OTUD7A: variants seen among roughly 807,000 people sequenced by gnomAD.
OTUD7A encodes the protein OTU domain-containing protein 7A.
In OTUD7A, 12 loss-of-function variants were observed where a neutral mutation model predicts 65.7. That is an observed-to-expected ratio of 0.18 (90% CI 0.12 to 0.30). The LOEUF is 0.30. OTUD7A is among the 10% of genes least tolerant of loss of function. The pLI is 1.00. For missense variants in OTUD7A, 1,148 were observed against 1,304.8 expected, an observed-to-expected ratio of 0.88 and a Z score of 1.85; for synonymous variants, 641 against 586.3, an observed-to-expected ratio of 1.09 and a Z score of -1.35.
intron 1 of OTUD7A, 125 bp downstream of exon 1, chr15:31,870,382 C>T (rs1172569410): frequency 6.8e-6 from 1 of 146,744 alleles, no homozygotes; most frequent in Admixed American, 6.8e-5. Context: ...CCTCAACGCC[C>T]ACCTGCCTCG....
intron 1 of OTUD7A, among the ~76,000 whole-genome samples, chr15:31,658,724 A>G (rs1440416788): frequency 6.6e-6 from 1 of 151,810 alleles, no homozygotes; most frequent in Non-Finnish European, 1.5e-5. Context: ...CTCAGGATCC[A>G]TTTTTCATTA....
chr15:31,626,528 G>C (rs1890957506), intron 3 of OTUD7A, among the ~76,000 whole-genome samples: 1 of 152,124 alleles, frequency 6.6e-6, no homozygotes, highest in Non-Finnish European at 1.5e-5. Flanking sequence ...GTAACTTGGA[G>C]GAGCTAGAAA....
chr15:31,686,586 G>A (rs1185519044), intron 1 of OTUD7A, among the ~76,000 whole-genome samples: 2 of 152,226 alleles, frequency 1.3e-5, no homozygotes, highest in East Asian at 3.8e-4. Context: ...CAGAGGACGA[G>A]GAGACAAGCA....
intron 3 of OTUD7A, among the ~76,000 whole-genome samples, chr15:31,573,612 C>T (rs1889117509): frequency 6.6e-6 from 1 of 152,164 alleles, no homozygotes; most frequent in East Asian, 1.9e-4. Flanking sequence ...TTACAGTTGA[C>T]AGATCAGGCC....
At chr15:31,673,187 A>T (rs7172322) in intron 1 of OTUD7A, among the ~76,000 whole-genome samples, 8,657 of 152,300 alleles carry the variant, frequency 0.057, 840 homozygotes, top group African/African-American at 0.2. Flanking sequence ...AAGCTCCTTG[A>T]CTTATGATGG....
chr15:31,811,133 C>T (rs1896403366), intron 1 of OTUD7A, among the ~76,000 whole-genome samples: 1 of 152,092 alleles, frequency 6.6e-6, no homozygotes, highest in Non-Finnish European at 1.5e-5. Flanking sequence ...CTGTCTCAGT[C>T]CCCACTTTCA....
chr15:31,530,655 C>T (rs892331194), intron 6 of OTUD7A, 52 bp downstream of exon 6: 38 of 1,515,018 alleles, frequency 2.5e-5, no homozygotes, highest in South Asian at 3.5e-5. Flanking sequence ...ATATGTCTTT[C>T]CTTACGCAGG....
chr15:31,851,770 T>G (rs774337432), intron 1 of OTUD7A, among the ~76,000 whole-genome samples: 4 of 152,198 alleles, frequency 2.6e-5, no homozygotes, highest in Non-Finnish European at 5.9e-5. Context: ...GACAATCCCA[T>G]GTGAACTCTA....
chr15:31,632,636 A>C (rs1364891999), intron 3 of OTUD7A, among the ~76,000 whole-genome samples: 1 of 151,994 alleles, frequency 6.6e-6, no homozygotes, highest in Non-Finnish European at 1.5e-5. Context: ...GAGAACCACT[A>C]CTCTCTTCAA....
chr15:31,808,604 A>C (rs1159571111), intron 1 of OTUD7A, among the ~76,000 whole-genome samples: 1 of 152,166 alleles, frequency 6.6e-6, no homozygotes, highest in African/African-American at 2.4e-5. Context: ...AGAGACCCTG[A>C]TGCACTTCCC....
intron 1 of OTUD7A, among the ~76,000 whole-genome samples, chr15:31,674,955 G>T (rs7178118): frequency 6.6e-6 from 1 of 151,992 alleles, no homozygotes; most frequent in African/African-American, 2.4e-5. Context: ...CAGTCCACCC[G>T]TGGACTTCTT....
intron 1 of OTUD7A, among the ~76,000 whole-genome samples, chr15:31,726,254 G>A (rs1271381761): frequency 4.0e-5 from 6 of 151,496 alleles, no homozygotes; most frequent in Admixed American, 6.6e-5. Context: ...AGTACACATC[G>A]CTTAATTCCT....
intron 8 of OTUD7A, among the ~76,000 whole-genome samples, chr15:31,513,370 A>G (rs191225018): frequency 5.9e-5 from 9 of 152,318 alleles, no homozygotes; most frequent in Admixed American, 5.9e-4. Context: ...CCACACGGCT[A>G]CCGACATCAG....
intron 1 of OTUD7A, among the ~76,000 whole-genome samples, chr15:31,865,140 A>G (rs1373084568): frequency 6.6e-6 from 1 of 152,262 alleles, no homozygotes; most frequent in Non-Finnish European, 1.5e-5. Context: ...GAGATGGTAT[A>G]TTATTTAACA....
At position 31,637,206 on chromosome 15, in the gene OTUD7A, T is replaced by G. The variant is rs186053708; in HGVS notation, c.151+17890A>C. On this transcript the variant is annotated intron_variant, in intron 3 of 12. Transcript: ENST00000307050. ...AAGCTTCTACAGACAGGGACAATTGTAGCTGGTGACTTTAAGTTGAAACCA... is the reference window on the plus strand; with the variant it reads ...AAGCTTCTACAGACAGGGACAATTGGAGCTGGTGACTTTAAGTTGAAACCA... 3.5e-3 allele frequency among the ~76,000 whole-genome samples: 538 copies of G among 152,158 alleles called. 5 individuals carry two copies. The highest frequency in any genetic ancestry group is 0.013 in the African/African-American group (520 of 41,388).
intron 1 of OTUD7A, among the ~76,000 whole-genome samples, chr15:31,814,879 G>A (rs1051870715): frequency 2.0e-5 from 3 of 152,050 alleles, no homozygotes; most frequent in Non-Finnish European, 4.4e-5. Context: ...TTTTTGCATA[G>A]ATATGAATCT....
intron 1 of OTUD7A, among the ~76,000 whole-genome samples, chr15:31,810,627 C>G (rs1896392985): frequency 6.6e-6 from 1 of 152,170 alleles, no homozygotes; most frequent in Non-Finnish European, 1.5e-5. Context: ...GTGAGGAAAT[C>G]AATGACTGCT....
chr15:31,503,926 A>G (rs2041514984), intron 8 of OTUD7A, 108 bp from the exon 9 acceptor site: 4 of 1,340,496 alleles, frequency 3.0e-6, no homozygotes, highest in Non-Finnish European at 2.1e-6. Flanking sequence ...TCTGGATATT[A>G]TCTTCATGGA....
At chr15:31,609,151 G>C (rs577642391) in intron 3 of OTUD7A, among the ~76,000 whole-genome samples, 3 of 152,336 alleles carry the variant, frequency 2.0e-5, no homozygotes, top group South Asian at 2.1e-4. Context: ...TCGGGGGGCA[G>C]TCAGAGGCAA....
Sources: gnomAD v4.1 joint callset for allele counts (sites outside exome capture counted in the v4.1 genomes callset) on GRCh38, gnomAD v4.1.1 for gene constraint, MANE v1.5 for transcripts, NCBI Gene and HGNC (gene_info 2026-07-23, HGNC 2026-07-21) for gene names.